The following PTCH1 variants were observed in gnomAD, a reference collection of about 807,000 sequenced individuals.
The protein encoded by PTCH1 is protein patched homolog 1.
In PTCH1, 14 loss-of-function variants were observed where a neutral mutation model predicts 144.6. That is an observed-to-expected ratio of 0.10 (90% CI 0.06 to 0.15). The LOEUF is 0.15. Among genes scored for constraint, PTCH1 ranks in the 10% least tolerant of loss-of-function variants. The pLI is 1.00. For synonymous variants in PTCH1, 833 were observed against 793.6 expected, an observed-to-expected ratio of 1.05 and a Z score of -0.83; for missense variants, 1,623 against 1,948.3, an observed-to-expected ratio of 0.83 and a Z score of 3.14.
At position 95,469,553 on chromosome 9, in the gene PTCH1, C is replaced by T. The variant is rs141619461; in HGVS notation, c.1847+260G>A. Reference sequence around the variant, plus strand: ...GAAACATTCCTACAATCGGCAACATCAGTTCATGATGGAAAAAGGGGTCAT... The same window carrying T: ...GAAACATTCCTACAATCGGCAACATTAGTTCATGATGGAAAAAGGGGTCAT... On this transcript the variant is annotated intron_variant, in intron 13 of 23. Coordinates refer to ENST00000331920, the MANE Select transcript of PTCH1 (RefSeq NM_000264.5). Among the ~76,000 whole-genome samples, 415 of 152,280 alleles carry T rather than the reference C, an allele frequency of 2.7e-3. 4 individuals are homozygous for T. The highest frequency in any genetic ancestry group is 9.7e-3 in the African/African-American group (402 of 41,560).
Position 95,459,457 on chromosome 9 carries a change from GTT to G in PTCH1, c.2887+141_2887+142del, listed in dbSNP as rs547136907. ...CCATTACACATCCTCGTCTCCCAGA[GTT>G]TTAAACGAGAAGAAATAGATTGTTC... On this transcript the variant is annotated intron_variant, in intron 17 of 23. Transcript: ENST00000331920. The G allele has an allele frequency of 9.9e-5, 106 of 1,074,732 alleles. 1 individual carries two copies. In the South Asian group the frequency reaches 1.4e-3, roughly 14 times the overall value. 66.6% of individuals were successfully genotyped at this position (1,074,732 alleles called of 1,614,324 possible).
intron 18 of PTCH1, among the ~76,000 whole-genome samples, chr9:95,456,969 G>A (rs1248614002): frequency 6.6e-6 from 1 of 152,200 alleles, no homozygotes; most frequent in East Asian, 1.9e-4. Flanking sequence ...TGGGGGCCAG[G>A]TAAGCGGGGA....
At chr9:95,461,112 C>T (rs895591233) in intron 16 of PTCH1, among the ~76,000 whole-genome samples, 5 of 152,108 alleles carry the variant, frequency 3.3e-5, no homozygotes, top group East Asian at 1.9e-4. Context: ...TGAGGTAGCC[C>T]GGGCCCCGTG....
intron 2 of PTCH1, chr9:95,495,423 G>GA (rs1469181414): frequency 6.6e-6 from 1 of 151,362 alleles, no homozygotes; most frequent in Non-Finnish European, 1.5e-5. Flanking sequence ...AAACCCATGT[G>GA]ATTCTTTTTT....
rs765914735 is a variant in PTCH1 at position 95,449,046 on chromosome 9, C to T, written c.3804+23G>A. On this transcript the variant is annotated intron_variant, in intron 22 of 23. Transcript: ENST00000331920. The surrounding 1 kb of genome is among the most constrained non-coding windows in gnomAD (Gnocchi z 5.3). ...CTACCACGGTGGGAAGACCCCTCCC[C>T]CTGGTTCTGCAGAGTCACTTACAGT... 4.3e-6 allele frequency: 7 copies of T among 1,613,312 alleles called. No individual in the cohort carries two copies. In the Admixed American group the frequency reaches 1.2e-4, roughly 27 times the overall value.
intron 2 of PTCH1, among the ~76,000 whole-genome samples, chr9:95,500,498 G>C (rs1843078995): frequency 6.6e-6 from 1 of 152,202 alleles, no homozygotes; most frequent in South Asian, 2.1e-4. Context: ...CCAGGGAGCA[G>C]AAAGGAGCTG....
chr9:95,462,061 G>C (rs2274691), intron 15 of PTCH1, 63 bp from the exon 16 acceptor site: 18 of 1,602,458 alleles, frequency 1.1e-5, no homozygotes, highest in Non-Finnish European at 1.4e-5. Context: ...TGGTCCTAGC[G>C]GGGTGGGCTG....
At chr9:95,491,243 C>T (rs2118651139) in intron 2 of PTCH1, among the ~76,000 whole-genome samples, 1 of 152,326 alleles carries the variant, frequency 6.6e-6, no homozygotes, top group East Asian at 1.9e-4. Context: ...GCTGCTCCTC[C>T]ATCAAGCTGG....
chr9:95,479,973 C>T lies in PTCH1; in HGVS notation c.1063G>A (p.Val355Ile), dbSNP rs555332902. Residue 355 changes from valine to isoleucine, a missense_variant, in exon 7 of 24, where the codon GTC (valine) becomes ATC (isoleucine). Val to Ile is a conservative substitution (Grantham distance 29, BLOSUM62 3). This residue lies in a region of PTCH1 where 230 missense variants were observed against 271.0 expected (regional missense o/e 0.85). Coordinates refer to ENST00000331920, the MANE Select transcript of PTCH1 (RefSeq NM_000264.5). The part of the protein sequence containing the change: ...GTVKNSTGKL[V>I]SAHALQTMFQ... ...TGTCCTCGGGAGCTGGCTTACCTGA[C>T]GAGTTTTCCAGTGCTGTTCTTGACT... 1.5e-5 allele frequency: 25 copies of T among 1,614,148 alleles called. No homozygotes were observed. Among genetic ancestry groups the T allele is most frequent in the African/African-American group, 8.0e-5 (6 of 75,052 alleles).
At chr9:95,451,005 G>C (rs992836102) in intron 20 of PTCH1, 1 of 106,992 alleles carries the variant, frequency 9.3e-6, no homozygotes, top group Admixed American at 8.4e-5. Flanking sequence ...GTTCTGGGAA[G>C]GGGGGGGCAA....
chr9:95,469,019 G>A lies in PTCH1; in HGVS notation c.1982C>T (p.Thr661Ile), dbSNP rs2118048566. The A allele has an allele frequency of 1.2e-6, 2 of 1,614,118 alleles. No individual in the cohort carries two copies. The highest frequency in any genetic ancestry group is 2.7e-5 in the African/African-American group (2 of 75,038). The change falls in exon 14 of 24, where the codon ACT becomes ATT. Residue 661 changes from threonine to isoleucine, a missense_variant. This residue lies in a region of PTCH1 where 179 missense variants were observed against 165.7 expected (regional missense o/e 1.08). Coordinates refer to ENST00000331920, the MANE Select transcript of PTCH1 (RefSeq NM_000264.5). ...GTCGTACTCCGTGCGGAGCTGGACA[G>A]TGGACTGCATGGTAATCTGCGTTTC... Reference protein sequence around the residue: ...AHETQITMQSTVQLRTEYDPH... With the variant: ...AHETQITMQSIVQLRTEYDPH...
intron 12 of PTCH1, among the ~76,000 whole-genome samples, chr9:95,473,607 C>T (rs538632762): frequency 5.3e-5 from 8 of 149,540 alleles, no homozygotes; most frequent in East Asian, 2.0e-4. Flanking sequence ...TGCAATAGCA[C>T]GATCTCAGCT....
Position 95,476,265 on chromosome 9 carries a change from GC to G in PTCH1, c.1603-107del. 5.4e-6 allele frequency: 8 copies of G among 1,483,246 alleles called. No homozygotes were observed. The highest frequency in any genetic ancestry group is 7.3e-6 in the Non-Finnish European group (8 of 1,096,770). 91.9% of individuals were successfully genotyped at this position (1,483,246 alleles called of 1,614,324 possible). On this transcript the variant is annotated intron_variant, in intron 11 of 23. Transcript: ENST00000331920. The surrounding 1 kb of genome is among the most constrained non-coding windows in gnomAD (Gnocchi z 4.6). The stretch of plus-strand genomic sequence containing the variant: ...GCAGAATAACACAACTGTTATTACA[GC>G]TTATCATGCTGGCATTAGGGAAACA...
chr9:95,457,123 T>C (rs1384570677), intron 18 of PTCH1, among the ~76,000 whole-genome samples: 1 of 151,898 alleles, frequency 6.6e-6, no homozygotes. Flanking sequence ...TGTGGGGAAA[T>C]GGAAATAAAA....
chr9:95,478,891 T>C, intron 8 of PTCH1, 109 bp downstream of exon 8: 2 of 1,526,224 alleles, frequency 1.3e-6, no homozygotes, highest in East Asian at 2.4e-5. Context: ...GTTCCCAGAA[T>C]TGCAATGTTT....
At chr9:95,496,971 C>T (rs1359610005) in intron 2 of PTCH1, among the ~76,000 whole-genome samples, 1 of 152,028 alleles carries the variant, frequency 6.6e-6, no homozygotes, top group Non-Finnish European at 1.5e-5. Context: ...AAAAAAACAG[C>T]GGTGGGAGGA....
chr9:95,507,536 C>T (rs1564090289), intron 1 of PTCH1: 5 of 755,128 alleles, frequency 6.6e-6, no homozygotes, highest in Non-Finnish European at 8.1e-6. Flanking sequence ...CCGACCAGGC[C>T]CTAAGGAGAG....
Position 95,480,043 on chromosome 9 carries a change from G to C in PTCH1, c.993C>G (p.Ser331=), listed in dbSNP as rs779005283. Reference sequence around the variant, plus strand: ...CCTCCTGCCAGTGCATATACTTTCTGGATAAGCCATGACATCCACCATTCA... The same window carrying C: ...CCTCCTGCCAGTGCATATACTTTCTCGATAAGCCATGACATCCACCATTCA... ...LVLNGGCHGL[S]RKYMHWQEEL... The change falls in exon 7 of 24, where the codon TCC becomes TCG. Residue 331 remains serine, a synonymous_variant. Transcript: ENST00000331920. The C allele has an allele frequency of 1.2e-6, 2 of 1,613,882 alleles. No individual in the cohort carries two copies. Among genetic ancestry groups the C allele is most frequent in the Non-Finnish European group, 8.5e-7 (1 of 1,180,004 alleles).
intron 2 of PTCH1, among the ~76,000 whole-genome samples, chr9:95,490,520 G>GACACACACACACACAC (rs35550307): frequency 3.6e-5 from 5 of 140,268 alleles, no homozygotes; most frequent in South Asian, 2.3e-4. Flanking sequence ...CCTTCTATGT[G>GACACACACACACACAC]ACACACACAC....
Sources: gnomAD v4.1 joint callset for allele counts (sites outside exome capture counted in the v4.1 genomes callset) on GRCh38, gnomAD v4.1.1 for gene constraint, gnomAD v4.1.1 regional missense constraint, Gnocchi (gnomAD v3.1) non-coding constraint, MANE v1.5 for transcripts, NCBI Gene and HGNC (gene_info 2026-07-23, HGNC 2026-07-21) for gene names.